The following PITPNC1 variants were observed in gnomAD, a reference collection of about 807,000 sequenced individuals.
The protein encoded by PITPNC1 is cytoplasmic phosphatidylinositol transfer protein 1.
In PITPNC1, 18 loss-of-function variants were observed where a neutral mutation model predicts 44.7. That is an observed-to-expected ratio of 0.40 (90% confidence interval 0.28 to 0.60). The LOEUF is 0.60. PITPNC1 is among the 20% of genes least tolerant of loss of function. The probability of loss-of-function intolerance (pLI) is 0.39; values close to 1 mark genes in which losing one functional copy is unlikely to be tolerated. For missense variants in PITPNC1, 290 were observed against 418.4 expected (o/e 0.69, Z 2.68); for synonymous variants, 141 against 149.6 (o/e 0.94, Z 0.42).
At chr17:67,490,328 A>G (rs1301245401) in intron 1 of PITPNC1, among the ~76,000 whole-genome samples, 1 of 151,646 alleles carries the variant, frequency 6.6e-6, no homozygotes, top group Non-Finnish European at 1.5e-5. Context: ...GCAGGATCTC[A>G]GTTTGTTGTT....
At chr17:67,500,564 G>A (rs1429912840) in intron 1 of PITPNC1, among the ~76,000 whole-genome samples, 2 of 152,082 alleles carry the variant, frequency 1.3e-5, no homozygotes, top group African/African-American at 4.8e-5. Flanking sequence ...AGTGGTAATG[G>A]TTGTAACAAC....
At chr17:67,471,286 A>G (rs1335722945) in intron 1 of PITPNC1, among the ~76,000 whole-genome samples, 1 of 151,016 alleles carries the variant, frequency 6.6e-6, no homozygotes, top group African/African-American at 2.4e-5. Context: ...GGATGTATCA[A>G]TAGTTTGTTC....
intron 1 of PITPNC1, among the ~76,000 whole-genome samples, chr17:67,427,661 G>A (rs1235582708): frequency 1.3e-5 from 2 of 152,160 alleles, no homozygotes; most frequent in African/African-American, 4.8e-5. Context: ...ATTCTCACCA[G>A]GGCCTGTTAA....
intron 1 of PITPNC1, among the ~76,000 whole-genome samples, chr17:67,401,858 A>G (rs1598618465): frequency 6.6e-6 from 1 of 150,540 alleles, no homozygotes; most frequent in East Asian, 1.9e-4. Context: ...AAAAAAAAAA[A>G]GAAAAGAAAA....
At chr17:67,555,944 C>G (rs2040833646) in intron 4 of PITPNC1, among the ~76,000 whole-genome samples, 1 of 152,186 alleles carries the variant, frequency 6.6e-6, no homozygotes, top group South Asian at 2.1e-4. Flanking sequence ...TTATCTCTGT[C>G]ATTTGGGGTC....
At position 67,453,121 on chromosome 17, in the gene PITPNC1, G is replaced by A. The variant is rs151159255; in HGVS notation, c.48+74919G>A. On this transcript the variant is annotated intron_variant, in intron 1 of 8. Transcript: ENST00000581322. The stretch of plus-strand genomic sequence containing the variant: ...GATTGATCCAGTATTGTGTCCGGGG[G>A]CAGGGTACATGGAAAATGCTTAGGG... 3.2e-3 allele frequency among the ~76,000 whole-genome samples: 481 copies of A among 152,274 alleles called. 3 individuals carry two copies. The highest frequency in any genetic ancestry group is 0.011 in the African/African-American group (466 of 41,554).
Position 67,455,440 on chromosome 17 carries a change from T to G in PITPNC1, c.48+77238T>G, listed in dbSNP as rs369636975. Among the ~76,000 whole-genome samples, 13 of 152,204 alleles carry G rather than the reference T, an allele frequency of 8.5e-5. No homozygotes were observed. In the East Asian group the frequency reaches 1.5e-3, roughly 18 times the overall value. On this transcript the variant is annotated intron_variant, in intron 1 of 8. Transcript: ENST00000581322. Reference sequence around the variant, plus strand: ...ACAGGGTATCTACATTTTTATTTATTTATTTATTTTGAGACAGACTCTCGC... The same window carrying G: ...ACAGGGTATCTACATTTTTATTTATGTATTTATTTTGAGACAGACTCTCGC...
At chr17:67,649,331 A>G (rs2642040) in intron 6 of PITPNC1, among the ~76,000 whole-genome samples, 53,376 of 152,140 alleles carry the variant, frequency 0.35, 12,749 homozygotes, top group African/African-American at 0.68. Flanking sequence ...GAAGGAGCCC[A>G]TGGCTAGGGC....
chr17:67,651,588 G>C (rs183930057), intron 6 of PITPNC1, among the ~76,000 whole-genome samples: 1 of 152,018 alleles, frequency 6.6e-6, no homozygotes, highest in African/African-American at 2.4e-5. Flanking sequence ...TGAATGTATA[G>C]TTCAGTGGAT....
intron 1 of PITPNC1, among the ~76,000 whole-genome samples, chr17:67,392,867 C>A (rs1484540161): frequency 6.6e-6 from 1 of 152,038 alleles, no homozygotes; most frequent in Non-Finnish European, 1.5e-5. Flanking sequence ...CACCTGTAAT[C>A]CTAGCACTTC....
At chr17:67,481,068 G>A (rs560575247) in intron 1 of PITPNC1, among the ~76,000 whole-genome samples, 28 of 152,176 alleles carry the variant, frequency 1.8e-4, no homozygotes, top group Middle Eastern at 3.2e-3. Context: ...TTAGCTGGGC[G>A]CAGTGGTGCA....
chr17:67,494,160 C>CCT lies in PITPNC1; in HGVS notation c.49-38639_49-38638dup. Reference sequence around the variant, plus strand: ...TTTTTTCCACTAACAATATGTGTAACCTCTTTCTTTCTTTCTTTCTTTCTT... The same window carrying CCT: ...TTTTTTCCACTAACAATATGTGTAACCTCTCTTTCTTTCTTTCTTTCTTTCTT... On this transcript the variant is annotated intron_variant, in intron 1 of 8. Coordinates refer to ENST00000581322, the MANE Select transcript of PITPNC1 (RefSeq NM_012417.4). 9.5e-5 allele frequency among the ~76,000 whole-genome samples: 4 copies of CCT among 42,070 alleles called. No individual in the cohort carries two copies. In the South Asian group the frequency reaches 4.1e-3, roughly 43 times the overall value. The allele number at this position is 42,070 out of a possible 152,430, so 27.6% of individuals were successfully genotyped here. A position where few individuals can be genotyped will look rare whatever the true frequency, so the allele number is the denominator to read the frequency against.
intron 1 of PITPNC1, among the ~76,000 whole-genome samples, chr17:67,504,805 G>T (rs1396391771): frequency 6.6e-6 from 1 of 151,934 alleles, no homozygotes; most frequent in Non-Finnish European, 1.5e-5. Context: ...TTTTTGTTCC[G>T]CTGTCTTCAG....
At chr17:67,393,182 C>T (rs1025073399) in intron 1 of PITPNC1, among the ~76,000 whole-genome samples, 2 of 151,744 alleles carry the variant, frequency 1.3e-5, no homozygotes, top group Non-Finnish European at 2.9e-5. Flanking sequence ...ATAACATTTG[C>T]CATCTTAAAA....
At chr17:67,505,208 T>A (rs2040084904) in intron 1 of PITPNC1, among the ~76,000 whole-genome samples, 1 of 152,142 alleles carries the variant, frequency 6.6e-6, no homozygotes, top group Non-Finnish European at 1.5e-5. Context: ...GAGTGATGTG[T>A]TCTGTTGATT....
intron 4 of PITPNC1, among the ~76,000 whole-genome samples, chr17:67,562,500 A>G (rs114844047): frequency 2.0e-3 from 306 of 152,128 alleles, no homozygotes; most frequent in African/African-American, 7.0e-3. Context: ...ATTTACATGC[A>G]ATTCCTTTTC....
At chr17:67,623,100 C>A (rs2041853617) in intron 5 of PITPNC1, among the ~76,000 whole-genome samples, 1 of 128,494 alleles carries the variant, frequency 7.8e-6, no homozygotes, top group African/African-American at 2.9e-5. Context: ...CCAGCGAGCT[C>A]CCAAAAGCCA....
intron 2 of PITPNC1, among the ~76,000 whole-genome samples, chr17:67,538,270 A>G (rs967603705): frequency 9.2e-5 from 14 of 152,282 alleles, no homozygotes; most frequent in Admixed American, 9.2e-4. Flanking sequence ...TCTAATTGGA[A>G]GAATGACTAG....
rs755533895 is a variant in PITPNC1 at position 67,644,654 on chromosome 17, C to T, written c.462+12416C>T. Reference sequence around the variant, plus strand: ...TTCACCACGTTGGTCAGGCTGCTCTCGAACTCCTGACTTCAGGTGATCCAC... The same window carrying T: ...TTCACCACGTTGGTCAGGCTGCTCTTGAACTCCTGACTTCAGGTGATCCAC... On this transcript the variant is annotated intron_variant, in intron 6 of 8. Coordinates refer to ENST00000581322, the MANE Select transcript of PITPNC1 (RefSeq NM_012417.4). 9.1e-4 allele frequency among the ~76,000 whole-genome samples: 139 copies of T among 151,988 alleles called. 1 individual carries two copies. Among genetic ancestry groups the T allele is most frequent in the African/African-American group, 3.3e-3 (135 of 41,380 alleles).
Sources: allele counts gnomAD v4.1 joint callset (sites outside exome capture counted in the v4.1 genomes callset), GRCh38; gene constraint gnomAD v4.1.1; transcripts MANE v1.5; gene names NCBI Gene and HGNC (gene_info 2026-07-23, HGNC 2026-07-21).